Variants in TSPAN3 observed in about 807,000 individuals in gnomAD.
TSPAN3 encodes tetraspanin-3.
A neutral mutation model predicts 31.1 loss-of-function variants in TSPAN3; 9 were observed. The ratio of observed to expected loss-of-function variants is 0.29; its 90% CI spans 0.17 to 0.50. TSPAN3 has a LOEUF of 0.50. TSPAN3 is among the 20% of genes least tolerant of loss of function. TSPAN3 has a pLI of 0.98. For missense variants in TSPAN3, 252 were observed against 313.5 expected (o/e 0.80, Z 1.48); for synonymous variants, 129 against 114.3 (o/e 1.13, Z -0.82).
intron 1 of TSPAN3, 63 bp downstream of exon 1, chr15:77,070,829 C>G: frequency 9.7e-7 from 1 of 1,025,942 alleles, no homozygotes; most frequent in Non-Finnish European, 1.2e-6. Context: ...CCCCCACGGG[C>G]GCCTCCGCCG....
Position 77,046,533 on chromosome 15 carries a change from A to G in TSPAN3, c.*302T>C. 2.2e-6 allele frequency: 1 copy of G among 454,882 alleles called. No homozygotes were observed. 28.2% of individuals were successfully genotyped at this position (454,882 alleles called of 1,614,324 possible). ...AGTCCTGTTACCACTTGGAGGTAAC[A>G]GAAGCAGGCTCGTGTCCTCCTTTAA... On this transcript the variant is annotated 3_prime_UTR_variant, in exon 7 of 7. Transcript: ENST00000267970.
chr15:77,066,571 C>CAAAAA (rs35737479), intron 1 of TSPAN3, among the ~76,000 whole-genome samples: 8 of 59,374 alleles, frequency 1.3e-4, no homozygotes, highest in Admixed American at 5.8e-4. Context: ...GACTTCGTCT[C>CAAAAA]AAAAAAAAAA....
chr15:77,049,623 C>A (rs951383278), intron 6 of TSPAN3, among the ~76,000 whole-genome samples: 6 of 152,102 alleles, frequency 3.9e-5, no homozygotes, highest in African/African-American at 1.2e-4. Flanking sequence ...TTTAAAACCT[C>A]ATTCTTTTAT....
chr15:77,056,153 C>G lies in TSPAN3; in HGVS notation c.166G>C (p.Val56Leu). The change falls in exon 2 of 7, where the codon GTG (valine) becomes CTG (leucine). Residue 56 changes from valine (V) to leucine (L), a missense_variant. Coordinates refer to ENST00000267970, the MANE Select transcript of TSPAN3 (RefSeq NM_005724.6). ...EDVYTLIPAV[V>L]IIAVGALLFI... Reference sequence around the variant, plus strand: ...AGCAGGGCTCCTACAGCTATGATCACTACAGCAGGGATGAGCGTGTACACA... The same window carrying G: ...AGCAGGGCTCCTACAGCTATGATCAGTACAGCAGGGATGAGCGTGTACACA... The G allele has an allele frequency of 6.2e-7, 1 of 1,613,998 alleles. No homozygotes were observed. Among genetic ancestry groups the G allele is most frequent in the Non-Finnish European group, 8.5e-7 (1 of 1,179,970 alleles).
At chr15:77,048,242 C>A (rs952402428) in intron 6 of TSPAN3, among the ~76,000 whole-genome samples, 14 of 152,266 alleles carry the variant, frequency 9.2e-5, no homozygotes, top group African/African-American at 2.9e-4. Flanking sequence ...GTTCTCTGTA[C>A]ATCAAAACAT....
chr15:77,051,097 G>A (rs937811552), intron 6 of TSPAN3, among the ~76,000 whole-genome samples: 3 of 151,696 alleles, frequency 2.0e-5, no homozygotes, highest in African/African-American at 4.8e-5. Flanking sequence ...TAGAAATGGA[G>A]TCTTATTGCC....
In TSPAN3 at chr15:77,043,129, C is replaced by CG. The variant is rs370346174; in HGVS notation, c.*3705dup. 5.7e-4 allele frequency: 86 copies of CG among 152,208 alleles called. No individual in the cohort carries two copies. The highest frequency in any genetic ancestry group is 1.9e-3 in the African/African-American group (80 of 41,442). 9.4% of individuals were successfully genotyped at this position (152,208 alleles called of 1,614,324 possible). On this transcript the variant is annotated 3_prime_UTR_variant, in exon 7 of 7. Transcript: ENST00000267970. ...ACAGCTCTCTGCTCCTGTGGCTTGG[C>CG]GGGGGGGCACCTCCAGTAAGTTGAT...
chr15:77,070,949 G>A lies in TSPAN3; in HGVS notation c.6C>T (p.Gly2=). ...TCTTGGAGGAGGTGATGCCGCACTG[G>A]CCCATGGCGCCGGTGGCCCGCGAAG... M[G]QCGITSSKTV... is the part of the protein sequence containing the mutation. The change falls in exon 1 of 7, where the codon GGC becomes GGT. Residue 2 remains glycine (G), a synonymous_variant. Transcript: ENST00000267970. 4 of 1,436,372 alleles carry A rather than the reference G, an allele frequency of 2.8e-6. No homozygotes were observed. Among genetic ancestry groups the A allele is most frequent in the Non-Finnish European group, 3.7e-6 (4 of 1,087,558 alleles). The allele number at this position is 1,436,372 out of a possible 1,614,324, so 89.0% of individuals were successfully genotyped here.
chr15:77,053,879 T>A (rs747291675), intron 4 of TSPAN3, among the ~76,000 whole-genome samples: 3 of 152,150 alleles, frequency 2.0e-5, no homozygotes, highest in Non-Finnish European at 2.9e-5. Context: ...CTCCCACCTT[T>A]CCTGTGACAC....
intron 1 of TSPAN3, 139 bp from the exon 2 acceptor site, chr15:77,056,394 C>G: frequency 1.7e-6 from 1 of 603,724 alleles, no homozygotes; most frequent in East Asian, 3.2e-5. Context: ...TTCTATGATT[C>G]CTTGTTAAGA....
chr15:77,055,735 G>C, intron 3 of TSPAN3, 54 bp downstream of exon 3: 1 of 1,403,854 alleles, frequency 7.1e-7, no homozygotes, highest in Non-Finnish European at 9.8e-7. Context: ...TATTTTACTT[G>C]AAACACTTAA....
intron 3 of TSPAN3, 54 bp downstream of exon 3, chr15:77,055,735 G>GA (rs2076764631): frequency 7.1e-7 from 1 of 1,403,730 alleles, no homozygotes; most frequent in Admixed American, 2.3e-5. Context: ...TATTTTACTT[G>GA]AAACACTTAA....
At chr15:77,049,928 C>T (rs1254060895) in intron 6 of TSPAN3, among the ~76,000 whole-genome samples, 2 of 152,266 alleles carry the variant, frequency 1.3e-5, no homozygotes, top group South Asian at 2.1e-4. Context: ...AAATCTTATA[C>T]TTGTAATTGG....
At chr15:77,065,292 T>C (rs1038302902) in intron 1 of TSPAN3, among the ~76,000 whole-genome samples, 2 of 152,208 alleles carry the variant, frequency 1.3e-5, no homozygotes, top group African/African-American at 4.8e-5. Context: ...TCTGTAAGAA[T>C]AGGGATTTTT....
intron 1 of TSPAN3, among the ~76,000 whole-genome samples, chr15:77,065,551 C>A (rs12911070): frequency 2.6e-5 from 4 of 152,068 alleles, no homozygotes. Context: ...CTCAGCCTCC[C>A]GAGTAGCTGG....
At chr15:77,050,016 C>T (rs545401093) in intron 6 of TSPAN3, among the ~76,000 whole-genome samples, 2 of 152,292 alleles carry the variant, frequency 1.3e-5, no homozygotes, top group African/African-American at 4.8e-5. Context: ...TCCTTGCTCA[C>T]CCAAAATTTT....
intron 1 of TSPAN3, 70 bp downstream of exon 1, chr15:77,070,822 C>G: frequency 1.0e-6 from 1 of 976,536 alleles, no homozygotes; most frequent in Non-Finnish European, 1.2e-6. Context: ...AGCCCGGCCC[C>G]CACGGGCGCC....
At chr15:77,054,375 G>A in intron 3 of TSPAN3, 96 bp from the exon 4 acceptor site, 1 of 849,928 alleles carries the variant, frequency 1.2e-6, no homozygotes, top group Non-Finnish European at 1.9e-6. Flanking sequence ...ATGTTTGCAA[G>A]TTGCCAGATA....
At chr15:77,050,982 C>T (rs1009805616) in intron 6 of TSPAN3, among the ~76,000 whole-genome samples, 12 of 152,258 alleles carry the variant, frequency 7.9e-5, no homozygotes, top group African/African-American at 2.9e-4. Context: ...ATACAAAGAG[C>T]AAGCAATCCA....
Sources: gnomAD v4.1 joint callset for allele counts (sites outside exome capture counted in the v4.1 genomes callset) on GRCh38, gnomAD v4.1.1 for gene constraint, MANE v1.5 for transcripts, NCBI Gene and HGNC (gene_info 2026-07-23, HGNC 2026-07-21) for gene names.